Variants in VRTN observed in about 807,000 individuals in gnomAD.
VRTN encodes vertnin.
In VRTN, 5 loss-of-function variants were observed where a neutral mutation model predicts 18.2. The observed-to-expected ratio is 0.27, with a 90% CI of 0.14 to 0.58. The LOEUF (loss-of-function observed/expected upper bound fraction) is 0.58, where lower values mean the gene tolerates loss of function less well. Ranked by LOEUF, VRTN falls within the 20% of genes least tolerant of loss-of-function variation. The probability of loss-of-function intolerance (pLI) is 0.91; values close to 1 mark genes in which losing one functional copy is unlikely to be tolerated. For synonymous variants in VRTN, 381 were observed against 393.7 expected (o/e 0.97, Z 0.38); for missense variants, 741 against 939.4 (o/e 0.79, Z 2.76).
chr14:74,356,266 C>G (rs924882748), intron 1 of VRTN, among the ~76,000 whole-genome samples: 2 of 152,176 alleles, frequency 1.3e-5, no homozygotes, highest in Non-Finnish European at 2.9e-5. Context: ...TCACTGCAAC[C>G]TCTGCCTCCT....
intron 1 of VRTN, among the ~76,000 whole-genome samples, chr14:74,321,163 TAAG>T (rs547557211): frequency 1.6e-4 from 24 of 152,070 alleles, no homozygotes; most frequent in East Asian, 1.4e-3. Context: ...GTGTCAGTAA[TAAG>T]AGGAGGATCC....
chr14:74,338,813 C>T (rs986858986), intron 2 of VRTN, among the ~76,000 whole-genome samples: 7 of 152,210 alleles, frequency 4.6e-5, no homozygotes, highest in African/African-American at 1.2e-4. Flanking sequence ...CAACCTCCGC[C>T]TCCTGGGTTC....
At chr14:74,303,219 TCTCCCAG>T in intron 1 of VRTN, 1 of 344,298 alleles carries the variant, frequency 2.9e-6, no homozygotes, top group Non-Finnish European at 5.2e-6. Context: ...TTTTACATAT[TCTCCCAG>T]AGAAGCCAGC....
chr14:74,347,903 C>T (rs564497502), upstream of VRTN, among the ~76,000 whole-genome samples: 3 of 152,132 alleles, frequency 2.0e-5, no homozygotes, highest in Non-Finnish European at 4.4e-5. Context: ...CTGGGGGATG[C>T]TCAGAGAATG....
chr14:74,335,740 ATT>A (rs113250765), intron 1 of VRTN, among the ~76,000 whole-genome samples: 21 of 132,242 alleles, frequency 1.6e-4, no homozygotes, highest in African/African-American at 2.2e-4. Context: ...CAGATGTTCT[ATT>A]TTTTTTTTTT....
At chr14:74,310,810 T>G (rs8008015) in intron 1 of VRTN, among the ~76,000 whole-genome samples, 3,802 of 152,150 alleles carry the variant, frequency 0.025, 158 homozygotes, top group African/African-American at 0.087. Context: ...AGTGGTGGGA[T>G]TACAGGCATG....
intron 1 of VRTN, among the ~76,000 whole-genome samples, chr14:74,311,831 C>T (rs1449109281): frequency 6.7e-6 from 1 of 150,320 alleles, no homozygotes; most frequent in African/African-American, 2.5e-5. Flanking sequence ...CACAGTGGTG[C>T]GATCTTGGCT....
At chr14:74,343,406 G>T (rs1431197246) in intron 2 of VRTN, among the ~76,000 whole-genome samples, 1 of 152,226 alleles carries the variant, frequency 6.6e-6, no homozygotes, top group Non-Finnish European at 1.5e-5. Flanking sequence ...GATTACAGGC[G>T]TGAGCCACCG....
intron 1 of VRTN, among the ~76,000 whole-genome samples, chr14:74,315,421 C>T (rs935212431): frequency 3.9e-5 from 6 of 152,050 alleles, no homozygotes; most frequent in South Asian, 2.1e-4. Flanking sequence ...TTGACCAGGC[C>T]GGGTGTGGTG....
intron 1 of VRTN, among the ~76,000 whole-genome samples, chr14:74,303,415 G>T (rs977133980): frequency 2.0e-5 from 3 of 152,146 alleles, no homozygotes; most frequent in Non-Finnish European, 4.4e-5. Flanking sequence ...GCCGGGGATG[G>T]TGGCGAGCGC....
At chr14:74,303,293 G>C (rs2085159998) in intron 1 of VRTN, 1 of 186,342 alleles carries the variant, frequency 5.4e-6, no homozygotes, top group South Asian at 1.9e-4. Context: ...GGTTACTCCT[G>C]TAATCCCAGC....
intron 1 of VRTN, among the ~76,000 whole-genome samples, chr14:74,311,909 C>T (rs1463290321): frequency 2.0e-5 from 3 of 151,688 alleles, no homozygotes; most frequent in Non-Finnish European, 2.9e-5. Context: ...GCTGGTATTA[C>T]AGGCATCCGC....
At position 74,333,855 on chromosome 14, in the gene VRTN, AAAAT is replaced by A. The variant is rs1003937006; in HGVS notation, c.-163-3852_-163-3849del. 7.5e-4 allele frequency among the ~76,000 whole-genome samples: 109 copies of A among 146,132 alleles called. 2 individuals carry two copies. The highest frequency in any genetic ancestry group is 1.5e-4 in the Non-Finnish European group (10 of 67,808). On this transcript the variant is annotated intron_variant, in intron 1 of 2. Coordinates refer to the VRTN transcript ENST00000557177. ...ACTCTGTCTCAAAAAAAAATAAATA[AAAAT>A]AAATAAATAAATAAAATAAAACAAC...
intron 1 of VRTN, among the ~76,000 whole-genome samples, chr14:74,354,084 C>T (rs575292835): frequency 6.6e-6 from 1 of 152,054 alleles, no homozygotes; most frequent in Non-Finnish European, 1.5e-5. Flanking sequence ...AAATAATGTC[C>T]GAGAGCACAT....
In VRTN at chr14:74,359,235, G is replaced by T. The variant is rs1028308456; in HGVS notation, c.*343G>T. 2.9e-5 allele frequency: 7 copies of T among 240,792 alleles called. No individual in the cohort carries two copies. The Admixed American group carries it at 3.6e-4, about 12-fold the overall frequency. The allele number at this position is 240,792 out of a possible 1,614,324, so 14.9% of individuals were successfully genotyped here. A position where few individuals can be genotyped will look rare whatever the true frequency, so the allele number is the denominator to read the frequency against. On this transcript the variant is annotated 3_prime_UTR_variant, in exon 2 of 2. Transcript: ENST00000256362. The stretch of plus-strand genomic sequence containing the variant: ...CGTATGTATGTCAGGGGGTTTAGAG[G>T]GGGGTTGGTTAGCTAGAGCTGCTTT...
At chr14:74,318,567 G>C (rs1474188215) in intron 1 of VRTN, among the ~76,000 whole-genome samples, 1 of 151,876 alleles carries the variant, frequency 6.6e-6, no homozygotes, top group Non-Finnish European at 1.5e-5. Flanking sequence ...CACCACGCAA[G>C]GCCCCGGCTA....
At chr14:74,307,666 A>T (rs1434443530) in intron 1 of VRTN, among the ~76,000 whole-genome samples, 2 of 152,178 alleles carry the variant, frequency 1.3e-5, no homozygotes, top group African/African-American at 4.8e-5. Flanking sequence ...GCAAAAGGCC[A>T]TATATCATAT....
chr14:74,359,126 T>G lies in VRTN; in HGVS notation c.*234T>G. ...ACCAGAGATATCCTCTTTCGTTGTT[T>G]GCTGGTCATATTTTTACTGTTATGA... On this transcript the variant is annotated 3_prime_UTR_variant, in exon 2 of 2. Coordinates refer to ENST00000256362, the MANE Select transcript of VRTN (RefSeq NM_018228.3). 2 of 772,910 alleles carry G rather than the reference T, an allele frequency of 2.6e-6. No individual in the cohort carries two copies. The highest frequency in any genetic ancestry group is 3.7e-6 in the Non-Finnish European group (2 of 545,602). 47.9% of individuals were successfully genotyped at this position (772,910 alleles called of 1,614,324 possible).
At chr14:74,328,831 C>G (rs182464012) in intron 1 of VRTN, among the ~76,000 whole-genome samples, 10 of 152,022 alleles carry the variant, frequency 6.6e-5, no homozygotes, top group African/African-American at 2.4e-4. Context: ...AACCTTGTCT[C>G]TACTAAAAAT....
Sources: allele counts gnomAD v4.1 joint callset (sites outside exome capture counted in the v4.1 genomes callset), GRCh38; gene constraint gnomAD v4.1.1; transcripts MANE v1.5; gene names NCBI Gene and HGNC (gene_info 2026-07-23, HGNC 2026-07-21).